Variants in MCF2L observed in about 807,000 individuals in gnomAD.
MCF2L encodes MCF.2 cell line derived transforming sequence like.
A neutral mutation model predicts 153.4 loss-of-function variants in MCF2L; 97 were observed. The ratio of observed to expected loss-of-function variants is 0.63; its 90% CI spans 0.54 to 0.75. The LOEUF (loss-of-function observed/expected upper bound fraction) is 0.75, where lower values mean the gene tolerates loss of function less well. Among genes scored for constraint, MCF2L ranks in the 30% least tolerant of loss-of-function variants. The pLI is 0.00. For synonymous variants in MCF2L, 659 were observed against 632.2 expected (o/e 1.04, Z -0.64); for missense variants, 1,347 against 1,495.2 (o/e 0.90, Z 1.64).
intron 4 of MCF2L, among the ~76,000 whole-genome samples, chr13:113,049,471 A>G (rs2087065205): frequency 6.6e-6 from 1 of 152,154 alleles, no homozygotes; most frequent in Non-Finnish European, 1.5e-5. Context: ...GGTGCAGTTG[A>G]CCTGACGTGG....
chr13:112,975,796 C>T (rs1211505490), intron 1 of MCF2L, among the ~76,000 whole-genome samples: 3 of 152,196 alleles, frequency 2.0e-5, no homozygotes, highest in Non-Finnish European at 4.4e-5. Flanking sequence ...TGGTTGACCT[C>T]GTTGCGGTCG....
At chr13:113,079,087 G>C (rs1232157178) in intron 15 of MCF2L, among the ~76,000 whole-genome samples, 1 of 152,188 alleles carries the variant, frequency 6.6e-6, no homozygotes, top group Non-Finnish European at 1.5e-5. Context: ...GCCCCAACCA[G>C]CACCAGCTGC....
Position 113,024,678 on chromosome 13 carries a change from C to T in MCF2L, c.198C>T (p.Thr66=), listed in dbSNP as rs1422029597. ...GRGQDGSPVI[T]FPDYPAFSEI... is the part of the protein sequence containing the mutation. ...GGCAGGACGGAAGCCCGGTTATCAC[C>T]TTCCCTGACTACCCGGCCTTCAGCG... The change falls in exon 3 of 30, where the codon ACC becomes ACT. Residue 66 remains threonine (T), a synonymous_variant. Coordinates refer to ENST00000535094, the MANE Select transcript of MCF2L (RefSeq NM_001112732.3). 3 of 1,614,038 alleles carry T rather than the reference C, an allele frequency of 1.9e-6. No homozygotes were observed. Among genetic ancestry groups the T allele is most frequent in the African/African-American group, 1.3e-5 (1 of 74,962 alleles).
chr13:112,942,257 C>G (rs2081582994), intron 2 of MCF2L, among the ~76,000 whole-genome samples: 1 of 152,174 alleles, frequency 6.6e-6, no homozygotes. Context: ...AGTGAAAGTA[C>G]TAAAAGTCTC....
In MCF2L at chr13:113,076,175, T is replaced by C. The variant is rs1485843633; in HGVS notation, c.1500+18T>C. On this transcript the variant is annotated intron_variant, in intron 12 of 29. Coordinates refer to ENST00000535094, the MANE Select transcript of MCF2L (RefSeq NM_001112732.3). ...ATCTCATGGTAACGCTGACTCGGGC[T>C]CTCCATTTGCAGCTTGCTGTCCCGA... The C allele has an allele frequency of 6.3e-7, 1 of 1,597,820 alleles. No homozygotes were observed. The highest frequency in any genetic ancestry group is 1.7e-5 in the Admixed American group (1 of 58,894).
At chr13:112,915,410 C>CACAAAAAAAAAAAAAAAAAAAAAAAAA (rs1555349857) in intron 2 of MCF2L, among the ~76,000 whole-genome samples, 1 of 86,924 alleles carries the variant, frequency 1.2e-5, no homozygotes, top group African/African-American at 5.3e-5. Context: ...CTCTGTCTCA[C>CACAAAAAAAAAAAAAAAAAAAAAAAAA]AAAAAAAAAA....
At chr13:113,081,063 G>C in intron 15 of MCF2L, 150 bp from the exon 16 acceptor site, 1 of 596,846 alleles carries the variant, frequency 1.7e-6, no homozygotes. Context: ...GGAACCCCGA[G>C]GAGCGTCCAG....
chr13:113,000,320 T>G (rs2083310622), intron 1 of MCF2L, among the ~76,000 whole-genome samples: 1 of 152,012 alleles, frequency 6.6e-6, no homozygotes, highest in South Asian at 2.1e-4. Flanking sequence ...CAAATAATTA[T>G]GGATGGACAT....
At chr13:113,024,936 C>T (rs111939908) in intron 3 of MCF2L, 178 bp downstream of exon 3, 12 of 404,988 alleles carry the variant, frequency 3.0e-5, no homozygotes, top group South Asian at 4.9e-5. Context: ...CCCCATCATG[C>T]GGTCCCCGTG....
At chr13:113,096,300 G>A (rs996913098) in intron 27 of MCF2L, 71 bp from the exon 28 acceptor site, 107 of 1,238,780 alleles carry the variant, frequency 8.6e-5, no homozygotes, top group Non-Finnish European at 1.2e-4. Context: ...CCGGCACTCC[G>A]CCTGGCTGCT....
At position 112,947,856 on chromosome 13, in the gene MCF2L, C is replaced by G. The variant is rs1441013659; in HGVS notation, c.169+45485C>G. On this transcript the variant is annotated intron_variant, in intron 2 of 29. Coordinates refer to the MCF2L transcript ENST00000375608. ...TGGAGACTCTCTGTGGTGGCTCTGT[C>G]CCTACAACAAGTCTCTGCCTGGGCA... is the stretch of plus-strand genomic sequence containing the variant. Among the ~76,000 whole-genome samples, 3 of 152,218 alleles carry G rather than the reference C, an allele frequency of 2.0e-5. No individual in the cohort carries two copies. The East Asian group carries it at 5.8e-4, about 29-fold the overall frequency.
rs2081155933 is a variant in MCF2L, at chr13:112,904,790, C to T, written c.169+2419C>T. ...ACTCGGCTCTCAGGCCCTGCCTGCA[C>T]CACACCTGCTCCGTCTCCAGGTGAC... On this transcript the variant is annotated intron_variant, in intron 2 of 29. Transcript: ENST00000375608. This position sits in a 1 kb window ranked among gnomAD's most constrained non-coding sequence, Gnocchi z 4.2. Among the ~76,000 whole-genome samples, 1 of 152,258 alleles carries T rather than the reference C, an allele frequency of 6.6e-6. No individual in the cohort carries two copies. Among genetic ancestry groups the T allele is most frequent in the African/African-American group, 2.4e-5 (1 of 41,474 alleles).
At chr13:112,973,389 A>G (rs1315695457) in intron 1 of MCF2L, among the ~76,000 whole-genome samples, 1 of 152,246 alleles carries the variant, frequency 6.6e-6, no homozygotes, top group Non-Finnish European at 1.5e-5. Flanking sequence ...AAAGTACAGA[A>G]ACATTTAAAA....
At chr13:113,085,043 A>C (rs41286606) in intron 19 of MCF2L, 43 bp from the exon 20 acceptor site, 126,807 of 1,611,842 alleles carry the variant, frequency 0.079, 6,197 homozygotes, top group East Asian at 0.27. Flanking sequence ...CTCCTGAGGA[A>C]TAATGAAAAT....
chr13:112,968,142 T>G (rs368473924), upstream of MCF2L, among the ~76,000 whole-genome samples: 614 of 59,396 alleles, frequency 0.01, no homozygotes, highest in Non-Finnish European at 0.013. Context: ...GGGAGTGAGG[T>G]GGGGGGGGGG....
At chr13:113,005,495 G>T (rs960354021) in intron 1 of MCF2L, among the ~76,000 whole-genome samples, 3 of 151,978 alleles carry the variant, frequency 2.0e-5, no homozygotes, top group African/African-American at 7.2e-5. Flanking sequence ...GTTTGTTGTG[G>T]CCATGGTTGG....
At chr13:113,079,039 C>T (rs1016750469) in intron 15 of MCF2L, among the ~76,000 whole-genome samples, 1 of 152,198 alleles carries the variant, frequency 6.6e-6, no homozygotes, top group Non-Finnish European at 1.5e-5. Flanking sequence ...CAAGAGCCTC[C>T]ACCCGCCACT....
intron 4 of MCF2L, among the ~76,000 whole-genome samples, chr13:113,050,088 A>G (rs547969909): frequency 2.6e-4 from 39 of 152,290 alleles, no homozygotes; most frequent in African/African-American, 8.7e-4. Context: ...CGGTCCTCAG[A>G]TAGAAGCATC....
chr13:112,905,124 G>A lies in MCF2L; in HGVS notation c.169+2753G>A, dbSNP rs188422987. On this transcript the variant is annotated intron_variant, in intron 2 of 29. Transcript: ENST00000375608. ...AAGAACTCGGAGTTGCAAAGAAAAC[G>A]AGCACGTAAATAAAGGATTTCTCAA... 1.8e-3 allele frequency among the ~76,000 whole-genome samples: 280 copies of A among 152,264 alleles called. 1 individual carries two copies. The highest frequency in any genetic ancestry group is 0.015 in the Admixed American group (225 of 15,302).
Sources: allele counts gnomAD v4.1 joint callset (sites outside exome capture counted in the v4.1 genomes callset), GRCh38; gene constraint gnomAD v4.1.1; non-coding constraint Gnocchi (gnomAD v3.1); transcripts MANE v1.5; gene names NCBI Gene and HGNC (gene_info 2026-07-23, HGNC 2026-07-21).